The following FBXL17 variants were observed in gnomAD, a reference collection of about 807,000 sequenced individuals.
FBXL17 encodes the protein F-box/LRR-repeat protein 17.
In FBXL17, 22 loss-of-function variants were observed where a neutral mutation model predicts 66.2. That is an observed-to-expected ratio of 0.33 (90% CI 0.24 to 0.47). FBXL17 has a LOEUF of 0.47. FBXL17 is among the 20% of genes least tolerant of loss of function. FBXL17 has a pLI of 1.00. For missense variants in FBXL17, 878 were observed against 948.2 expected (o/e 0.93, Z 0.97); for synonymous variants, 474 against 400.5 (o/e 1.18, Z -2.19).
At chr5:108,186,550 T>A (rs139961523) in intron 5 of FBXL17, among the ~76,000 whole-genome samples, 3,322 of 152,068 alleles carry the variant, frequency 0.022, 121 homozygotes, top group African/African-American at 0.076. Context: ...GGCGGGTGGA[T>A]CACGAGGTAA....
chr5:107,869,303 C>T (rs749181803), intron 8 of FBXL17, among the ~76,000 whole-genome samples: 9 of 152,132 alleles, frequency 5.9e-5, no homozygotes, highest in Non-Finnish European at 1.2e-4. Context: ...TAGCAGATAT[C>T]CATGGAACCT....
At position 108,204,948 on chromosome 5, in the gene FBXL17, T is replaced by G. The variant is rs553545081; in HGVS notation, c.1615-18701A>C. Among the ~76,000 whole-genome samples the G allele has an allele frequency of 3.0e-4, 46 of 152,202 alleles. 2 individuals carry two copies. The South Asian group carries it at 9.1e-3, about 30-fold the overall frequency. On this transcript the variant is annotated intron_variant, in intron 5 of 8. Coordinates refer to ENST00000542267, the MANE Select transcript of FBXL17 (RefSeq NM_001163315.3). Reference sequence around the variant, plus strand: ...CTTTCAGAAACAGGGTCACATTCTGTTGCCCAAGCTGGAGCACAGTGGTGT... The same window carrying G: ...CTTTCAGAAACAGGGTCACATTCTGGTGCCCAAGCTGGAGCACAGTGGTGT...
At chr5:108,198,638 A>C (rs1218566772) in intron 5 of FBXL17, among the ~76,000 whole-genome samples, 2 of 152,198 alleles carry the variant, frequency 1.3e-5, no homozygotes, top group Non-Finnish European at 2.9e-5. Context: ...AGAACTCCCC[A>C]AACACTGAAT....
At chr5:107,917,900 C>T (rs1750183719) in intron 7 of FBXL17, among the ~76,000 whole-genome samples, 2 of 152,150 alleles carry the variant, frequency 1.3e-5, no homozygotes, top group South Asian at 4.1e-4. Flanking sequence ...AATACAATTT[C>T]ACAAGAAAAT....
chr5:108,094,314 T>G (rs1421366079), intron 6 of FBXL17, among the ~76,000 whole-genome samples: 1 of 152,134 alleles, frequency 6.6e-6, no homozygotes, highest in African/African-American at 2.4e-5. Flanking sequence ...GACAAAATTA[T>G]GTATCTTTGT....
At chr5:108,101,626 A>G (rs2149941453) in intron 6 of FBXL17, among the ~76,000 whole-genome samples, 1 of 152,376 alleles carries the variant, frequency 6.6e-6, no homozygotes, top group Non-Finnish European at 1.5e-5. Context: ...TAAGAGATAC[A>G]AAAAGAGGAG....
chr5:107,983,182 T>C (rs960315007), intron 7 of FBXL17, among the ~76,000 whole-genome samples: 4 of 152,166 alleles, frequency 2.6e-5, no homozygotes, highest in African/African-American at 4.8e-5. Context: ...AAATGAAACC[T>C]GACTGCCCAG....
rs146009402 is a variant in FBXL17, at chr5:108,307,107, G to A, written c.1506+41292C>T. Among the ~76,000 whole-genome samples, 526 of 151,904 alleles carry A rather than the reference G, an allele frequency of 3.5e-3. 5 individuals are homozygous for A. The highest frequency in any genetic ancestry group is 0.012 in the African/African-American group (501 of 41,436). On this transcript the variant is annotated intron_variant, in intron 4 of 8. Transcript: ENST00000542267. ...CCCTCAGTGTATCAATGTGTGTAACGCAGGACCTGTTACTGGTATTTATGG... is the reference window on the plus strand; with the variant it reads ...CCCTCAGTGTATCAATGTGTGTAACACAGGACCTGTTACTGGTATTTATGG...
chr5:108,263,934 T>C (rs572439011), intron 4 of FBXL17, among the ~76,000 whole-genome samples: 1 of 152,180 alleles, frequency 6.6e-6, no homozygotes, highest in Non-Finnish European at 1.5e-5. Context: ...CTCTACTTTA[T>C]GCCGGGTGCA....
chr5:108,107,443 T>C (rs1477289530), intron 6 of FBXL17, among the ~76,000 whole-genome samples: 1 of 152,180 alleles, frequency 6.6e-6, no homozygotes, highest in Non-Finnish European at 1.5e-5. Flanking sequence ...TTAAGCAAAG[T>C]GTCTACATGA....
intron 4 of FBXL17, among the ~76,000 whole-genome samples, chr5:108,289,702 T>C (rs1758035585): frequency 6.6e-6 from 1 of 152,172 alleles, no homozygotes; most frequent in African/African-American, 2.4e-5. Context: ...GTTCCAATCC[T>C]GTAACTGTGT....
rs61734351 is a variant in FBXL17, at chr5:108,367,915, G to C, written c.1032C>G (p.Ser344=). ...GCCAGTACTTGCAAACCAATGATGCGGAAAGGCAACGCTCATCCAGTGACA... is the reference window on the plus strand; with the variant it reads ...GCCAGTACTTGCAAACCAATGATGCCGAAAGGCAACGCTCATCCAGTGACA... The part of the protein sequence containing the change: ...SNLSLDERCL[S]ASLVCKYWRD... The change falls in exon 2 of 9, where the codon TCC becomes TCG. Residue 344 remains serine, a synonymous_variant. Coordinates refer to ENST00000542267, the MANE Select transcript of FBXL17 (RefSeq NM_001163315.3). The C allele has an allele frequency of 9.0e-6, 14 of 1,550,482 alleles. No homozygotes were observed. The Middle Eastern group carries it at 6.7e-4, about 74-fold the overall frequency.
chr5:108,187,469 C>T (rs1421195763), intron 5 of FBXL17, among the ~76,000 whole-genome samples: 2 of 152,148 alleles, frequency 1.3e-5, no homozygotes, highest in Non-Finnish European at 2.9e-5. Flanking sequence ...AGTGTAATCA[C>T]TGGAGACCCT....
chr5:108,028,756 T>A (rs950705716), intron 6 of FBXL17, among the ~76,000 whole-genome samples: 6 of 152,104 alleles, frequency 3.9e-5, no homozygotes, highest in African/African-American at 1.4e-4. Context: ...AAATCTCTTT[T>A]TGGATAAGCC....
chr5:108,198,138 C>G (rs537728261), intron 5 of FBXL17, among the ~76,000 whole-genome samples: 5 of 152,274 alleles, frequency 3.3e-5, no homozygotes, highest in African/African-American at 9.6e-5. Flanking sequence ...CAACAGGTCC[C>G]TATGGCTTCT....
intron 8 of FBXL17, among the ~76,000 whole-genome samples, chr5:107,862,901 A>G (rs1371427714): frequency 6.6e-6 from 1 of 151,466 alleles, no homozygotes; most frequent in Non-Finnish European, 1.5e-5. Flanking sequence ...CTGAAATAGC[A>G]TGATGTTTTC....
intron 4 of FBXL17, among the ~76,000 whole-genome samples, chr5:108,280,006 G>A (rs558312056): frequency 6.6e-6 from 1 of 152,080 alleles, no homozygotes; most frequent in African/African-American, 2.4e-5. Flanking sequence ...TGAATTATTG[G>A]AATACCTAAG....
intron 4 of FBXL17, among the ~76,000 whole-genome samples, chr5:108,304,225 T>A (rs1164110789): frequency 6.6e-6 from 1 of 152,042 alleles, no homozygotes; most frequent in Non-Finnish European, 1.5e-5. Flanking sequence ...TACCGTATAA[T>A]TCTTTAAATC....
chr5:107,883,077 G>T (rs996093073), intron 7 of FBXL17, among the ~76,000 whole-genome samples: 2 of 152,088 alleles, frequency 1.3e-5, no homozygotes, highest in African/African-American at 4.8e-5. Flanking sequence ...TAACTCATTC[G>T]TTTATTTAAT....
Sources: gnomAD v4.1 joint callset for allele counts (sites outside exome capture counted in the v4.1 genomes callset) on GRCh38, gnomAD v4.1.1 for gene constraint, MANE v1.5 for transcripts, NCBI Gene and HGNC (gene_info 2026-07-23, HGNC 2026-07-21) for gene names.